The following RPL23A variants were observed in gnomAD, a reference collection of about 807,000 sequenced individuals.
The protein encoded by RPL23A is large ribosomal subunit protein uL23.
RPL23A carries 2 observed loss-of-function variants against 17.6 expected under a neutral mutation model. The observed-to-expected ratio is 0.11, with a 90% CI of 0.05 to 0.36. The LOEUF is 0.36. RPL23A is among the 10% of genes least tolerant of loss of function. The pLI is 1.00. For synonymous variants in RPL23A, 65 were observed against 74.3 expected (o/e 0.87, Z 0.65); for missense variants, 132 against 194.4 (o/e 0.68, Z 1.91).
intron 2 of RPL23A, chr17:28,721,126 GC>G (rs2034107345): frequency 2.4e-6 from 1 of 411,464 alleles, no homozygotes; most frequent in Non-Finnish European, 4.5e-6. Context: ...CCGAGGGGGG[GC>G]GGATCACTTG....
rs923720260 is a variant in RPL23A at position 28,724,310 on chromosome 17, C to G, written c.*429C>G. 6.8e-6 allele frequency: 5 copies of G among 730,642 alleles called. No homozygotes were observed. In the African/African-American group the frequency reaches 8.8e-5, roughly 13 times the overall value. The allele number at this position is 730,642 out of a possible 1,614,324, so 45.3% of individuals were successfully genotyped here. On this transcript the variant is annotated 3_prime_UTR_variant, in exon 5 of 5. Transcript: ENST00000422514. ...CATCTACTATGTCCAACCGGTCTGT[C>G]TGCTTCCCTCACCCCTTGCCCAATA... is the stretch of plus-strand genomic sequence containing the variant.
In RPL23A at chr17:28,720,477, C is replaced by T. The variant is rs991192014; in HGVS notation, c.26-230C>T. On this transcript the variant is annotated intron_variant, in intron 1 of 4. Coordinates refer to ENST00000422514, the MANE Select transcript of RPL23A (RefSeq NM_000984.6). Reference sequence around the variant, plus strand: ...CATTTTCTGGAAAGTATCAAGCGTTCATTCAGTGCTACTTTGTTTCATAGT... The same window carrying T: ...CATTTTCTGGAAAGTATCAAGCGTTTATTCAGTGCTACTTTGTTTCATAGT... 4 of 1,593,748 alleles carry T rather than the reference C, an allele frequency of 2.5e-6. No homozygotes were observed. In the African/African-American group the frequency reaches 5.4e-5, roughly 21 times the overall value.
intron 1 of RPL23A, chr17:28,720,435 GTGTAAAATTCGTA>G (rs780164010): frequency 3.0e-5 from 48 of 1,611,048 alleles, no homozygotes; most frequent in Non-Finnish European, 3.6e-5. Context: ...GATGGGGTAT[GTGTAAAATTCGTA>G]GGACATTTTC....
At chr17:28,720,426 A>T (rs746937965) in intron 1 of RPL23A, 1 of 1,608,710 alleles carries the variant, frequency 6.2e-7, no homozygotes, top group East Asian at 2.2e-5. Flanking sequence ...TGGTTTTGCG[A>T]TGGGGTATGT....
intron 1 of RPL23A, 28 bp downstream of exon 1, chr17:28,720,058 G>A (rs553446098): frequency 3.2e-6 from 5 of 1,550,928 alleles, no homozygotes; most frequent in East Asian, 2.4e-5. Flanking sequence ...GGCCGCAGCT[G>A]GTTTACCGGG....
chr17:28,721,382 A>G (rs748125140), intron 2 of RPL23A: 9 of 157,540 alleles, frequency 5.7e-5, no homozygotes, highest in Non-Finnish European at 8.5e-5. Flanking sequence ...GAGTCTCTCA[A>G]AATTTGTTAG....
intron 1 of RPL23A, 185 bp from the exon 2 acceptor site, chr17:28,720,512 GGAGTTACTTA>G (rs768838227): frequency 6.5e-7 from 1 of 1,540,524 alleles, no homozygotes; most frequent in South Asian, 1.1e-5. Context: ...TCGTATCCCT[GGAGTTACTTA>G]GAGTTGGTCG....
intron 3 of RPL23A, among the ~76,000 whole-genome samples, chr17:28,723,113 TAAAAAA>T (rs774938617): frequency 4.0e-4 from 53 of 131,536 alleles, no homozygotes; most frequent in African/African-American, 1.4e-3. Flanking sequence ...AGGCCCTTTT[TAAAAAA>T]AAAAAAAAAA....
chr17:28,722,631 G>T, intron 2 of RPL23A, 92 bp from the exon 3 acceptor site: 1 of 1,027,398 alleles, frequency 9.7e-7, no homozygotes, highest in Non-Finnish European at 1.6e-6. Flanking sequence ...CAAAGTGATT[G>T]GTACCTCGTT....
Position 28,723,851 on chromosome 17 carries a change from C to T in RPL23A, c.457-16C>T, listed in dbSNP as rs533834594. 13 of 1,604,234 alleles carry T rather than the reference C, an allele frequency of 8.1e-6. No homozygotes were observed. The highest frequency in any genetic ancestry group is 3.3e-5 in the South Asian group (3 of 90,846). ...ATATTTCAACTCCAGTAACGAGGCTCCCTTTTGTTTTTCAGATTGGGATCA... is the reference window on the plus strand; with the variant it reads ...ATATTTCAACTCCAGTAACGAGGCTTCCTTTTGTTTTTCAGATTGGGATCA... On this transcript the variant is annotated splice_polypyrimidine_tract_variant and intron_variant, in intron 4 of 4. Coordinates refer to ENST00000422514, the MANE Select transcript of RPL23A (RefSeq NM_000984.6).
At chr17:28,723,454 T>C (rs766697894) in intron 3 of RPL23A, 117 bp from the exon 4 acceptor site, 1 of 823,732 alleles carries the variant, frequency 1.2e-6, no homozygotes, top group Non-Finnish European at 2.2e-6. Flanking sequence ...AAATCATTAT[T>C]GGAAAAGAAT....
rs1447772161 is a variant in RPL23A at position 28,723,848 on chromosome 17, G to A, written c.457-19G>A. ...TTCATATTTCAACTCCAGTAACGAG[G>A]CTCCCTTTTGTTTTTCAGATTGGGA... On this transcript the variant is annotated intron_variant, in intron 4 of 4. Coordinates refer to ENST00000422514, the MANE Select transcript of RPL23A (RefSeq NM_000984.6). 8 of 1,603,344 alleles carry A rather than the reference G, an allele frequency of 5.0e-6. No homozygotes were observed. In the South Asian group the frequency reaches 8.8e-5, roughly 18 times the overall value.
In RPL23A at chr17:28,722,541, T is replaced by C. The variant is rs566404797; in HGVS notation, c.210-182T>C. Reference sequence around the variant, plus strand: ...TTCAAGAGAAAGAAAATGCACAACGTTCTGCCCCTGGGATTGGGGCTTCAG... The same window carrying C: ...TTCAAGAGAAAGAAAATGCACAACGCTCTGCCCCTGGGATTGGGGCTTCAG... On this transcript the variant is annotated intron_variant, in intron 2 of 4. Transcript: ENST00000422514. 10 of 762,002 alleles carry C rather than the reference T, an allele frequency of 1.3e-5. No homozygotes were observed. The Admixed American group carries it at 1.5e-4, about 12-fold the overall frequency. 47.2% of individuals were successfully genotyped at this position (762,002 alleles called of 1,614,324 possible). A position where few individuals can be genotyped will look rare whatever the true frequency, so the allele number is the denominator to read the frequency against.
chr17:28,721,837 G>A (rs2034120107), intron 2 of RPL23A: 1 of 152,162 alleles, frequency 6.6e-6, no homozygotes, highest in African/African-American at 2.4e-5. Flanking sequence ...CTGTCTTCCT[G>A]CCCCTCCCGC....
chr17:28,723,373 G>A, intron 3 of RPL23A, 198 bp from the exon 4 acceptor site: 1 of 760,062 alleles, frequency 1.3e-6, no homozygotes, highest in Admixed American at 1.7e-5. Flanking sequence ...AAGTCTTAAT[G>A]TGGCCTGTGG....
intron 2 of RPL23A, chr17:28,721,910 T>G (rs2034121104): frequency 6.6e-6 from 1 of 152,186 alleles, no homozygotes; most frequent in African/African-American, 2.4e-5. Context: ...ACAGTTGTGC[T>G]TAAGCCACTG....
chr17:28,723,485 T>C (rs1385881300), intron 3 of RPL23A, 86 bp from the exon 4 acceptor site: 1 of 923,676 alleles, frequency 1.1e-6, no homozygotes, highest in East Asian at 2.4e-5. Flanking sequence ...AAGGAACCAC[T>C]GAAGTGCCGG....
At chr17:28,720,230 G>GC (rs1263544938) in intron 1 of RPL23A, 200 bp downstream of exon 1, 1 of 1,539,178 alleles carries the variant, frequency 6.5e-7, no homozygotes, top group Non-Finnish European at 8.8e-7. Context: ...GGAGTTGGGG[G>GC]GGGGCAACGC....
chr17:28,720,843 C>G lies in RPL23A; in HGVS notation c.162C>G (p.Leu54=). ...PTFRRPKTLR[L]RRQPKYPRKS... ...TCCGGCGGCCGAAGACACTGCGACT[C>G]CGGAGACAGCCCAAATATCCTCGGA... Residue 54 remains leucine, a synonymous_variant, in exon 2 of 5, where the codon CTC becomes CTG. Transcript: ENST00000422514. 6.2e-7 allele frequency: 1 copy of G among 1,614,070 alleles called. No homozygotes were observed. The highest frequency in any genetic ancestry group is 1.1e-5 in the South Asian group (1 of 91,080).
Sources: allele counts gnomAD v4.1 joint callset (sites outside exome capture counted in the v4.1 genomes callset), GRCh38; gene constraint gnomAD v4.1.1; transcripts MANE v1.5; gene names NCBI Gene and HGNC (gene_info 2026-07-23, HGNC 2026-07-21).